Variants in CPLX2 observed in about 807,000 individuals in gnomAD.
CPLX2 encodes the protein complexin 2, also known as complexin-2.
In CPLX2, 5 loss-of-function variants were observed where a neutral mutation model predicts 16.3. The observed-to-expected ratio is 0.31, with a 90% CI of 0.16 to 0.64. CPLX2 has a LOEUF of 0.64. Ranked by LOEUF, CPLX2 falls within the 30% of genes least tolerant of loss-of-function variation. The pLI is 0.79. For missense variants in CPLX2, 144 were observed against 181.4 expected, an observed-to-expected ratio of 0.79 and a Z score of 1.18; for synonymous variants, 89 against 73.2, an observed-to-expected ratio of 1.22 and a Z score of -1.10.
chr5:175,826,203 T>G (rs1581078421), intron 2 of CPLX2, among the ~76,000 whole-genome samples: 1 of 151,802 alleles, frequency 6.6e-6, no homozygotes, highest in South Asian at 2.1e-4. Flanking sequence ...ATGGGTGAGG[T>G]GAGCTTCTCA....
At chr5:175,879,795 C>A in intron 3 of CPLX2, 53 bp from the exon 4 acceptor site, 2 of 1,526,694 alleles carry the variant, frequency 1.3e-6, no homozygotes, top group Non-Finnish European at 1.8e-6. Context: ...GAGACTCCTG[C>A]TGTCTCCTTG....
At chr5:175,855,360 A>AC (rs1039953608) in intron 2 of CPLX2, among the ~76,000 whole-genome samples, 3 of 152,234 alleles carry the variant, frequency 2.0e-5, no homozygotes, top group Non-Finnish European at 4.4e-5. Context: ...CAATGTCAGT[A>AC]CCCCACTGGA....
Position 175,880,127 on chromosome 5 carries a change from A to G in CPLX2, c.*82A>G. 2.0e-6 allele frequency: 3 copies of G among 1,472,816 alleles called. No homozygotes were observed. The highest frequency in any genetic ancestry group is 2.8e-6 in the Non-Finnish European group (3 of 1,074,970). The allele number at this position is 1,472,816 out of a possible 1,614,324, so 91.2% of individuals were successfully genotyped here. On this transcript the variant is annotated 3_prime_UTR_variant, in exon 4 of 4. Transcript: ENST00000393745. ...TTTCTTTTTATTAGGTTAAGTCTCA[A>G]TTCTGAAGGGGAAAACCTCAGTTGG...
chr5:175,841,391 G>A (rs890021405), intron 2 of CPLX2, among the ~76,000 whole-genome samples: 1 of 87,326 alleles, frequency 1.1e-5, no homozygotes, highest in Non-Finnish European at 2.3e-5. Flanking sequence ...AAGCACAAAG[G>A]TGCACCTGGG....
chr5:175,798,005 G>C (rs1025142149), intron 1 of CPLX2, among the ~76,000 whole-genome samples: 10 of 152,188 alleles, frequency 6.6e-5, no homozygotes, highest in Non-Finnish European at 1.2e-4. Flanking sequence ...AGGCCTAGGG[G>C]GCAGGGGTGA....
chr5:175,823,510 G>T (rs1258347943), intron 2 of CPLX2, among the ~76,000 whole-genome samples: 4 of 152,198 alleles, frequency 2.6e-5, no homozygotes. Flanking sequence ...TTTGGAATGG[G>T]CTTAGCCTGA....
At chr5:175,840,426 C>T (rs1374884163) in intron 2 of CPLX2, among the ~76,000 whole-genome samples, 1 of 152,190 alleles carries the variant, frequency 6.6e-6, no homozygotes, top group African/African-American at 2.4e-5. Context: ...GTTGCAATAT[C>T]TTAACTCCAC....
chr5:175,848,354 G>A (rs1759089644), intron 2 of CPLX2, among the ~76,000 whole-genome samples: 1 of 152,238 alleles, frequency 6.6e-6, no homozygotes, highest in African/African-American at 2.4e-5. Context: ...AAGCGATGCT[G>A]AGCTGAGTTT....
chr5:175,799,539 CATATATATATATATATATATAT>C (rs70988299), intron 1 of CPLX2, among the ~76,000 whole-genome samples: 1,256 of 72,258 alleles, frequency 0.017, 51 homozygotes, highest in African/African-American at 0.064. Flanking sequence ...TTGCAAATTT[CATATATATATATATATATATAT>C]ATATATATAT....
rs1759102318 is a variant in CPLX2 at position 175,849,012 on chromosome 5, T to C, written c.-88-29640T>C. On this transcript the variant is annotated intron_variant, in intron 2 of 4. Transcript: ENST00000359546. This position sits in a 1 kb window ranked among gnomAD's most constrained non-coding sequence, Gnocchi z 4.4. ...AGGCCCAGAGAGTGACTGGATTGCA[T>C]TCTACCTGTGCTGGTTTCTTCTAAG... 6.6e-6 allele frequency among the ~76,000 whole-genome samples: 1 copy of C among 152,174 alleles called. No individual in the cohort carries two copies. The highest frequency in any genetic ancestry group is 2.4e-5 in the African/African-American group (1 of 41,448).
chr5:175,817,231 G>C (rs1296094476), intron 2 of CPLX2, among the ~76,000 whole-genome samples: 3 of 152,232 alleles, frequency 2.0e-5, no homozygotes, highest in African/African-American at 7.2e-5. Context: ...AGAAGCTTAG[G>C]AGCCAGAAAG....
At chr5:175,813,536 C>T (rs1346787583) in intron 2 of CPLX2, among the ~76,000 whole-genome samples, 2 of 152,242 alleles carry the variant, frequency 1.3e-5, no homozygotes, top group African/African-American at 2.4e-5. Flanking sequence ...AGTAGGGGCC[C>T]AGGCCCAGTC....
At chr5:175,871,486 ATTTGAATTTCCCATCTGGAAG>A (rs1759617562), upstream of CPLX2, 1 of 141,544 alleles carries the variant, frequency 7.1e-6, no homozygotes, top group Admixed American at 7.2e-5. Flanking sequence ...AGAGAGAGAG[ATTTGAATTTCCCATCTGGAAG>A]GGGAGCGGTA....
At chr5:175,819,481 C>T (rs1758469251) in intron 2 of CPLX2, among the ~76,000 whole-genome samples, 1 of 152,176 alleles carries the variant, frequency 6.6e-6, no homozygotes, top group African/African-American at 2.4e-5. Context: ...TTTTATTTCC[C>T]CAAAGACGAG....
Position 175,797,637 on chromosome 5 carries a change from G to A in CPLX2, c.-169+853G>A, listed in dbSNP as rs144141221. On this transcript the variant is annotated intron_variant, in intron 1 of 4. Coordinates refer to the CPLX2 transcript ENST00000359546. ...AAAGTGTGAGGCTGAGTTTCCGTAG[G>A]GGGAGGGGGCTGAGAAGCCGCGGGG... Among the ~76,000 whole-genome samples, 1,420 of 152,258 alleles carry A rather than the reference G, an allele frequency of 9.3e-3. 21 individuals carry two copies. The highest frequency in any genetic ancestry group is 0.033 in the African/African-American group (1,382 of 41,538).
At chr5:175,806,639 T>C (rs2059784) in intron 1 of CPLX2, among the ~76,000 whole-genome samples, 123,413 of 151,390 alleles carry the variant, frequency 0.82, 50,403 homozygotes, top group East Asian at 0.9. Context: ...TACAGGCATG[T>C]GTCACCACGC....
intron 2 of CPLX2, among the ~76,000 whole-genome samples, chr5:175,833,448 G>T (rs1758768588): frequency 6.6e-6 from 1 of 152,166 alleles, no homozygotes; most frequent in African/African-American, 2.4e-5. Context: ...AGCATGGGGG[G>T]CTGTACAAGG....
At chr5:175,838,337 G>A (rs966098638) in intron 2 of CPLX2, among the ~76,000 whole-genome samples, 23 of 144,358 alleles carry the variant, frequency 1.6e-4, no homozygotes, top group African/African-American at 5.5e-4. Context: ...GCACGATCTC[G>A]GCTCACTGCA....
intron 2 of CPLX2, among the ~76,000 whole-genome samples, chr5:175,841,386 C>A (rs949984247): frequency 3.2e-4 from 37 of 115,090 alleles, no homozygotes; most frequent in African/African-American, 1.5e-3. Flanking sequence ...CAACAAAGCA[C>A]AAAGGTGCAC....
Sources: gnomAD v4.1 joint callset for allele counts (sites outside exome capture counted in the v4.1 genomes callset) on GRCh38, gnomAD v4.1.1 for gene constraint, Gnocchi (gnomAD v3.1) non-coding constraint, MANE v1.5 for transcripts, NCBI Gene and HGNC (gene_info 2026-07-23, HGNC 2026-07-21) for gene names.